Variants in MEAF6 observed in about 807,000 individuals in gnomAD.
MEAF6 encodes the protein chromatin modification-related protein MEAF6.
MEAF6 carries 15 observed loss-of-function variants against 28.9 expected under a neutral mutation model. That is an observed-to-expected ratio of 0.52 (90% CI 0.35 to 0.80). MEAF6 has a LOEUF of 0.80. Ranked by LOEUF, MEAF6 falls within the 30% of genes least tolerant of loss-of-function variation. The pLI, the probability that MEAF6 is intolerant of heterozygous loss-of-function variation, is 0.01. For synonymous variants in MEAF6, 97 were observed against 88.7 expected, an observed-to-expected ratio of 1.09 and a Z score of -0.53; for missense variants, 178 against 237.5, an observed-to-expected ratio of 0.75 and a Z score of 1.65.
chr1:37,507,053 C>T (rs992399563), intron 4 of MEAF6, among the ~76,000 whole-genome samples: 3 of 152,194 alleles, frequency 2.0e-5, no homozygotes, highest in Non-Finnish European at 4.4e-5. Context: ...GGCCCTGTGG[C>T]TCACGCCTGT....
chr1:37,512,221 A>G (rs773260225), intron 2 of MEAF6, among the ~76,000 whole-genome samples: 2 of 152,224 alleles, frequency 1.3e-5, no homozygotes, highest in Non-Finnish European at 2.9e-5. Context: ...ATATATATAC[A>G]TTGTACCAAT....
intron 5 of MEAF6, chr1:37,496,800 T>A: frequency 6.5e-7 from 1 of 1,528,244 alleles, no homozygotes; most frequent in Non-Finnish European, 8.8e-7. Context: ...AATAAATTAG[T>A]CGATTAGCCA....
chr1:37,503,778 G>C (rs186256319), intron 4 of MEAF6, among the ~76,000 whole-genome samples: 1 of 151,766 alleles, frequency 6.6e-6, no homozygotes, highest in African/African-American at 2.4e-5. Context: ...AGCCTGGTCA[G>C]CACGGCAAAA....
chr1:37,495,778 A>C (rs1642114217), intron 6 of MEAF6, 107 bp downstream of exon 6: 7 of 1,047,590 alleles, frequency 6.7e-6, no homozygotes, highest in Non-Finnish European at 1.0e-5. Flanking sequence ...CTTTAAATCA[A>C]GAGTTATGAC....
intron 4 of MEAF6, among the ~76,000 whole-genome samples, chr1:37,506,757 C>G (rs534457883): frequency 6.6e-6 from 1 of 152,280 alleles, no homozygotes; most frequent in African/African-American, 2.4e-5. Flanking sequence ...TGGCTCACTA[C>G]AGCCTTGAAC....
chr1:37,511,604 T>C (rs1642673486), intron 2 of MEAF6, among the ~76,000 whole-genome samples: 1 of 152,230 alleles, frequency 6.6e-6, no homozygotes. Flanking sequence ...TAGGACAATG[T>C]GACATTATGT....
intron 4 of MEAF6, among the ~76,000 whole-genome samples, chr1:37,504,824 C>CAT (rs1553163119): frequency 6.8e-6 from 1 of 147,822 alleles, no homozygotes; most frequent in Admixed American, 6.8e-5. Context: ...CACACACACA[C>CAT]ACATTATCTA....
intron 5 of MEAF6, among the ~76,000 whole-genome samples, chr1:37,498,036 C>T (rs1444511841): frequency 1.3e-5 from 2 of 152,188 alleles, no homozygotes; most frequent in Non-Finnish European, 2.9e-5. Flanking sequence ...CCAAAGCAAA[C>T]ATTAACCTGG....
chr1:37,510,381 A>ATTTTT (rs34785696), intron 2 of MEAF6, among the ~76,000 whole-genome samples: 13 of 95,008 alleles, frequency 1.4e-4, no homozygotes, highest in Non-Finnish European at 2.1e-4. Context: ...GCACCTAGCC[A>ATTTTT]TTTTTTTTTT....
At chr1:37,498,605 T>C (rs1393805753) in intron 5 of MEAF6, among the ~76,000 whole-genome samples, 1 of 151,762 alleles carries the variant, frequency 6.6e-6, no homozygotes, top group African/African-American at 2.4e-5. Flanking sequence ...TTACTGTGTT[T>C]TTTTGTAGAG....
Position 37,496,362 on chromosome 1 carries a change from T to A in MEAF6, c.534-444A>T, listed in dbSNP as rs543580305. 9.2e-5 allele frequency among the ~76,000 whole-genome samples: 14 copies of A among 152,328 alleles called. No individual in the cohort carries two copies. The East Asian group carries it at 2.1e-3, about 23-fold the overall frequency. ...CGAAACACAAAATAAATTAAATTAATTTCAATTTTTAAATCTTTCCAAAGC... is the reference window on the plus strand; with the variant it reads ...CGAAACACAAAATAAATTAAATTAAATTCAATTTTTAAATCTTTCCAAAGC... On this transcript the variant is annotated intron_variant, in intron 5 of 6. Coordinates refer to ENST00000296214, the MANE Select transcript of MEAF6 (RefSeq NM_001270875.3).
rs770034921 is a variant in MEAF6 at position 37,514,695 on chromosome 1, C to T, written c.52G>A (p.Glu18Lys). 2 of 1,544,860 alleles carry T rather than the reference C, an allele frequency of 1.3e-6. No individual in the cohort carries two copies. The highest frequency in any genetic ancestry group is 1.7e-6 in the Non-Finnish European group (2 of 1,150,312). ...APPQIPDTRR[E>K]LAELVKRKQE... ...TTCCGCTTCACGAGCTCCGCCAGCT[C>T]CCGCCGGGTGTCCGGGATCTGCGGC... The change falls in exon 1 of 7, where the codon GAG (glutamate) becomes AAG (lysine). Residue 18 changes from glutamate to lysine, a missense_variant. Glu to Lys is a moderately conservative substitution (Grantham distance 56). Coordinates refer to ENST00000296214, the MANE Select transcript of MEAF6 (RefSeq NM_001270875.3).
At chr1:37,497,308 G>A (rs915542040) in intron 5 of MEAF6, among the ~76,000 whole-genome samples, 1 of 152,080 alleles carries the variant, frequency 6.6e-6, no homozygotes, top group Non-Finnish European at 1.5e-5. Flanking sequence ...CGGCGATCTT[G>A]GCTCACTGCA....
In MEAF6 at chr1:37,492,847, C is replaced by G. The variant is rs545396560; in HGVS notation, c.*1252G>C. Reference sequence around the variant, plus strand: ...TTCAGTCTTCTAATGTAGTGGTTCTCAACCTGGCTTCTTATCAGAATCCCA... The same window carrying G: ...TTCAGTCTTCTAATGTAGTGGTTCTGAACCTGGCTTCTTATCAGAATCCCA... On this transcript the variant is annotated 3_prime_UTR_variant, in exon 7 of 7. Transcript: ENST00000296214. 4 of 152,418 alleles carry G rather than the reference C, an allele frequency of 2.6e-5. No homozygotes were observed. The highest frequency in any genetic ancestry group is 9.6e-5 in the African/African-American group (4 of 41,580). The allele number at this position is 152,418 out of a possible 1,614,324, so 9.4% of individuals were successfully genotyped here.
intron 2 of MEAF6, among the ~76,000 whole-genome samples, chr1:37,509,891 C>T (rs1642609089): frequency 1.3e-5 from 2 of 152,234 alleles, no homozygotes; most frequent in South Asian, 4.1e-4. Context: ...ATTCTCCTGC[C>T]TCAGCCTCCC....
intron 6 of MEAF6, among the ~76,000 whole-genome samples, 178 bp downstream of exon 6, chr1:37,495,707 A>AAAAAAAAAAAAAAAAAAAAAAAAAAAAC (rs1642107037): frequency 1.0e-5 from 1 of 98,508 alleles, no homozygotes. Context: ...CAAAAAACAA[A>AAAAAAAAAAAAAAAAAAAAAAAAAAAAC]AAAAAAAAAA....
Position 37,490,424 on chromosome 1 carries a change from G to A in MEAF6, c.*3675C>T, listed in dbSNP as rs1641890521. Reference sequence around the variant, plus strand: ...ATCTGACACACACATCACCTTCCTAGGCACTATGACACTATCCTGGGAGAA... The same window carrying A: ...ATCTGACACACACATCACCTTCCTAAGCACTATGACACTATCCTGGGAGAA... On this transcript the variant is annotated 3_prime_UTR_variant, in exon 7 of 7. Transcript: ENST00000296214. Among the ~76,000 whole-genome samples the A allele has an allele frequency of 6.6e-6, 1 of 152,016 alleles. No homozygotes were observed. Among genetic ancestry groups the A allele is most frequent in the African/African-American group, 2.4e-5 (1 of 41,366 alleles).
rs1257582144 is a variant in MEAF6 at position 37,490,409 on chromosome 1, C to T, written c.*3690G>A. Among the ~76,000 whole-genome samples, 1 of 152,150 alleles carries T rather than the reference C, an allele frequency of 6.6e-6. No individual in the cohort carries two copies. Among genetic ancestry groups the T allele is most frequent in the African/African-American group, 2.4e-5 (1 of 41,416 alleles). On this transcript the variant is annotated 3_prime_UTR_variant, in exon 7 of 7. Transcript: ENST00000296214. Reference sequence around the variant, plus strand: ...TTTCACTATCATTGTATCTGACACACACATCACCTTCCTAGGCACTATGAC... The same window carrying T: ...TTTCACTATCATTGTATCTGACACATACATCACCTTCCTAGGCACTATGAC...
chr1:37,513,927 C>T, intron 1 of MEAF6: 1 of 241,776 alleles, frequency 4.1e-6, no homozygotes, highest in East Asian at 8.2e-5. Flanking sequence ...TCAACTCGCT[C>T]CCCTCCCCGC....
Sources: allele counts gnomAD v4.1 joint callset (sites outside exome capture counted in the v4.1 genomes callset), GRCh38; gene constraint gnomAD v4.1.1; transcripts MANE v1.5; gene names NCBI Gene and HGNC (gene_info 2026-07-23, HGNC 2026-07-21).